Variants in PLXNA4 observed in about 807,000 individuals in gnomAD.
PLXNA4 encodes plexin-A4.
PLXNA4 carries 44 observed loss-of-function variants against 191.8 expected under a neutral mutation model. The ratio of observed to expected loss-of-function variants is 0.23; its 90% CI spans 0.18 to 0.29. The LOEUF is 0.29. PLXNA4 is among the 10% of genes least tolerant of loss of function. PLXNA4 has a pLI of 1.00. For missense variants in PLXNA4, 1,800 were observed against 2,488.8 expected (o/e 0.72, Z 5.89); for synonymous variants, 1,082 against 1,009.5 (o/e 1.07, Z -1.36).
chr7:132,641,814 T>G (rs1803748307), intron 2 of PLXNA4, among the ~76,000 whole-genome samples: 1 of 152,242 alleles, frequency 6.6e-6, no homozygotes, highest in East Asian at 1.9e-4. Context: ...CTAACTCCAC[T>G]GGAGGGACGA....
intron 3 of PLXNA4, among the ~76,000 whole-genome samples, chr7:132,336,737 T>C (rs982812920): frequency 1.3e-5 from 2 of 152,238 alleles, no homozygotes; most frequent in African/African-American, 2.4e-5. Flanking sequence ...GCTGCAAAGC[T>C]CTCTTCACCA....
At chr7:132,132,497 T>TTCTA (rs367658994) in intron 31 of PLXNA4, among the ~76,000 whole-genome samples, 7,393 of 110,766 alleles carry the variant, frequency 0.067, 1,110 homozygotes, top group East Asian at 0.12. Context: ...GCTCTATTCT[T>TTCTA]TTCTATTCTA....
chr7:132,496,298 T>A (rs1353704763), intron 2 of PLXNA4, among the ~76,000 whole-genome samples: 1 of 152,208 alleles, frequency 6.6e-6, no homozygotes, highest in African/African-American at 2.4e-5. Flanking sequence ...CACTGGGGCC[T>A]GGAGAGTGAG....
intron 21 of PLXNA4, among the ~76,000 whole-genome samples, chr7:132,172,236 A>G (rs1796308763): frequency 6.6e-6 from 1 of 152,258 alleles, no homozygotes; most frequent in Admixed American, 6.5e-5. Context: ...ACTGGATAGT[A>G]AATTTTAATT....
At chr7:132,459,863 A>G (rs763478514) in intron 3 of PLXNA4, among the ~76,000 whole-genome samples, 10 of 151,848 alleles carry the variant, frequency 6.6e-5, no homozygotes, top group Non-Finnish European at 1.3e-4. Context: ...AGATAATTGG[A>G]GTTGACTAAA....
chr7:132,384,465 C>T, intron 3 of PLXNA4: 2 of 985,676 alleles, frequency 2.0e-6, no homozygotes, highest in Non-Finnish European at 2.4e-6. Flanking sequence ...TGGATAGTGG[C>T]CATGCAGGAG....
intron 15 of PLXNA4, among the ~76,000 whole-genome samples, chr7:132,185,899 TG>T (rs1471163258): frequency 6.6e-6 from 1 of 152,226 alleles, no homozygotes; most frequent in Admixed American, 6.5e-5. Context: ...ATAAACCCCC[TG>T]CTGTCTTTGT....
rs764976407 is a variant in PLXNA4 at position 132,211,005 on chromosome 7, T to C, written c.2236A>G (p.Ser746Gly). 2 of 1,614,092 alleles carry C rather than the reference T, an allele frequency of 1.2e-6. No homozygotes were observed. The highest frequency in any genetic ancestry group is 2.2e-5 in the South Asian group (2 of 91,074). ...CGCAGGGCGGGCACTCGCTGCTCGC[T>C]GCCCTGAATGTTGAGGATGCATTCG... ...GYECILNIQGSEQRVPALRFN... is the reference protein window; with the variant it reads ...GYECILNIQGGEQRVPALRFN... Residue 746 changes from serine to glycine, a missense_variant, in exon 10 of 32, where the codon AGC becomes GGC. Physicochemically the swap from Ser to Gly is moderately conservative, Grantham distance 56. This residue lies in a region of PLXNA4 where 1,397 missense variants were observed against 1,880.4 expected (regional missense o/e 0.74). Coordinates refer to ENST00000321063, the MANE Select transcript of PLXNA4 (RefSeq NM_020911.2).
At chr7:132,247,643 C>T (rs1289441821) in intron 4 of PLXNA4, among the ~76,000 whole-genome samples, 1 of 152,158 alleles carries the variant, frequency 6.6e-6, no homozygotes. Context: ...AAAGCATCTC[C>T]ACCCGCCTTC....
rs556494688 is a variant in PLXNA4 at position 132,326,628 on chromosome 7, C to T, written c.1372-28406G>A. On this transcript the variant is annotated intron_variant, in intron 3 of 31. Transcript: ENST00000321063. The stretch of plus-strand genomic sequence containing the variant: ...ACCTCACAAGGCTGGCCCTCGCTTC[C>T]CGCGGCCTTGCACCCCCATGGCATC... Among the ~76,000 whole-genome samples the T allele has an allele frequency of 2.0e-5, 3 of 152,326 alleles. No homozygotes were observed. In the East Asian group the frequency reaches 5.8e-4, roughly 29 times the overall value.
At chr7:132,633,198 A>C (rs1803526787) in intron 2 of PLXNA4, among the ~76,000 whole-genome samples, 1 of 152,170 alleles carries the variant, frequency 6.6e-6, no homozygotes, top group Non-Finnish European at 1.5e-5. Context: ...TGCAGACAGC[A>C]AAGGTCTAAA....
chr7:132,344,753 T>C (rs987084708), intron 3 of PLXNA4, among the ~76,000 whole-genome samples: 2 of 152,228 alleles, frequency 1.3e-5, no homozygotes, highest in African/African-American at 2.4e-5. Flanking sequence ...GTCACTTCTG[T>C]ACTACAATTT....
chr7:132,368,853 C>T (rs769234568), intron 3 of PLXNA4, among the ~76,000 whole-genome samples: 1 of 152,220 alleles, frequency 6.6e-6, no homozygotes, highest in Admixed American at 6.5e-5. Flanking sequence ...CATTGGATTT[C>T]AGGCAATGAC....
At chr7:132,140,463 T>C in intron 30 of PLXNA4, 136 bp downstream of exon 30, 1 of 1,291,310 alleles carries the variant, frequency 7.7e-7, no homozygotes, top group Non-Finnish European at 1.0e-6. Context: ...GTGTGGGTGT[T>C]GCAGTGGCAG....
chr7:132,576,427 C>T lies in PLXNA4; in HGVS notation c.-92G>A. The stretch of plus-strand genomic sequence containing the variant: ...CCGGCGGGCCGGCTCCTTACCTGGA[C>T]GCGCCGCGTTTCCCTCCTTCAGCGG... On this transcript the variant is annotated 5_prime_UTR_variant, in exon 1 of 32. Coordinates refer to ENST00000321063, the MANE Select transcript of PLXNA4 (RefSeq NM_020911.2). The surrounding 1 kb of genome is among the most constrained non-coding windows in gnomAD (Gnocchi z 5.8). 1.0e-6 allele frequency: 1 copy of T among 985,974 alleles called. No individual in the cohort carries two copies. The highest frequency in any genetic ancestry group is 1.2e-6 in the Non-Finnish European group (1 of 830,088). 61.1% of individuals were successfully genotyped at this position (985,974 alleles called of 1,614,324 possible).
At position 132,145,535 on chromosome 7, in the gene PLXNA4, G is replaced by A. The variant is rs2116563821; in HGVS notation, c.5056-247C>T. ...ACTGGACCTACGTAAGGCTTCCTCT[G>A]CCAACAACACGGTTTGGTTGAACAC... is the stretch of plus-strand genomic sequence containing the variant. On this transcript the variant is annotated intron_variant, in intron 28 of 31. Coordinates refer to ENST00000321063, the MANE Select transcript of PLXNA4 (RefSeq NM_020911.2). The A allele has an allele frequency of 7.8e-6, 4 of 512,118 alleles. No homozygotes were observed. In the East Asian group the frequency reaches 1.1e-4, roughly 14 times the overall value. 31.7% of individuals were successfully genotyped at this position (512,118 alleles called of 1,614,324 possible).
At chr7:132,282,311 G>A (rs542451448) in intron 4 of PLXNA4, among the ~76,000 whole-genome samples, 24 of 152,200 alleles carry the variant, frequency 1.6e-4, no homozygotes, top group African/African-American at 2.6e-4. Flanking sequence ...AATGGCTCAC[G>A]CCTGCAATCC....
At chr7:132,643,959 A>C (rs1443993278) in intron 2 of PLXNA4, among the ~76,000 whole-genome samples, 1 of 152,190 alleles carries the variant, frequency 6.6e-6, no homozygotes, top group Non-Finnish European at 1.5e-5. Flanking sequence ...TTAAAAAAAA[A>C]GAATGGAAAT....
At chr7:132,621,245 TG>T (rs1803256044) in intron 2 of PLXNA4, among the ~76,000 whole-genome samples, 3 of 119,372 alleles carry the variant, frequency 2.5e-5, no homozygotes, top group African/African-American at 5.8e-5. Flanking sequence ...GGTTTTTTTT[TG>T]TTTTTTTTTT....
Sources: gnomAD v4.1 joint callset for allele counts (sites outside exome capture counted in the v4.1 genomes callset) on GRCh38, gnomAD v4.1.1 for gene constraint, gnomAD v4.1.1 regional missense constraint, Gnocchi (gnomAD v3.1) non-coding constraint, MANE v1.5 for transcripts, NCBI Gene and HGNC (gene_info 2026-07-23, HGNC 2026-07-21) for gene names.